Variants in GRID2 observed in about 807,000 individuals in gnomAD.
GRID2 encodes the protein glutamate ionotropic receptor delta type subunit 2, also known as glutamate receptor ionotropic, delta-2.
In GRID2, 33 loss-of-function variants were observed where a neutral mutation model predicts 114.8. The observed-to-expected ratio is 0.29, with a 90% CI of 0.22 to 0.38. GRID2 has a LOEUF of 0.38. Among genes scored for constraint, GRID2 ranks in the 10% least tolerant of loss-of-function variants. The pLI is 1.00. For missense variants in GRID2, 1,184 were observed against 1,257.7 expected, an observed-to-expected ratio of 0.94 and a Z score of 0.89; for synonymous variants, 505 against 449.9, an observed-to-expected ratio of 1.12 and a Z score of -1.55.
chr4:93,004,658 A>G (rs1247576223), intron 2 of GRID2, among the ~76,000 whole-genome samples: 1 of 151,972 alleles, frequency 6.6e-6, no homozygotes, highest in Non-Finnish European at 1.5e-5. Context: ...AATGAGTGTC[A>G]CATCTTCCAC....
intron 13 of GRID2, among the ~76,000 whole-genome samples, chr4:93,566,612 A>G (rs537940984): frequency 6.6e-6 from 1 of 152,198 alleles, no homozygotes; most frequent in African/African-American, 2.4e-5. Flanking sequence ...TCTACTAAAA[A>G]TTCAAAAATT....
intron 14 of GRID2, among the ~76,000 whole-genome samples, chr4:93,665,285 A>G (rs1219955626): frequency 1.3e-5 from 2 of 152,142 alleles, no homozygotes; most frequent in Non-Finnish European, 2.9e-5. Flanking sequence ...TGCAATTTAT[A>G]TAGTCCCTCA....
chr4:93,793,223 T>G (rs954508572), intron 1 of GRID2, among the ~76,000 whole-genome samples: 2 of 152,194 alleles, frequency 1.3e-5, no homozygotes. Flanking sequence ...TTATTTTTGG[T>G]GTTTCGATGG....
At chr4:92,893,177 GTA>G (rs1485447703) in intron 2 of GRID2, among the ~76,000 whole-genome samples, 3 of 151,936 alleles carry the variant, frequency 2.0e-5, no homozygotes, top group Non-Finnish European at 2.9e-5. Context: ...TTTTTTCTGA[GTA>G]TAGTGCCTAC....
At chr4:93,391,754 A>C (rs572142560) in intron 8 of GRID2, among the ~76,000 whole-genome samples, 3 of 152,196 alleles carry the variant, frequency 2.0e-5, no homozygotes, top group African/African-American at 7.2e-5. Flanking sequence ...TTGAGGAAGA[A>C]AGAGTAAATA....
At chr4:92,958,931 C>A (rs1752606604) in intron 2 of GRID2, among the ~76,000 whole-genome samples, 1 of 151,870 alleles carries the variant, frequency 6.6e-6, no homozygotes, top group African/African-American at 2.4e-5. Flanking sequence ...TCTGTTTCAA[C>A]TAGGTTATCA....
intron 1 of GRID2, among the ~76,000 whole-genome samples, chr4:92,434,122 G>A (rs1281022040): frequency 1.3e-5 from 2 of 152,178 alleles, no homozygotes; most frequent in African/African-American, 2.4e-5. Flanking sequence ...AGTAATATCA[G>A]AGTAGAAATT....
intron 8 of GRID2, among the ~76,000 whole-genome samples, chr4:93,252,432 T>A (rs972775936): frequency 2.6e-5 from 4 of 151,724 alleles, no homozygotes; most frequent in Admixed American, 2.0e-4. Context: ...TCTATGTATC[T>A]GTTCTTGTAC....
chr4:93,351,265 T>C (rs1005082111), intron 8 of GRID2, among the ~76,000 whole-genome samples: 1 of 152,118 alleles, frequency 6.6e-6, no homozygotes, highest in East Asian at 1.9e-4. Context: ...AGTTATTTAG[T>C]TGGTAGAGAG....
intron 2 of GRID2, among the ~76,000 whole-genome samples, chr4:92,630,091 A>G (rs1408558675): frequency 6.6e-6 from 1 of 152,034 alleles, no homozygotes; most frequent in African/African-American, 2.4e-5. Flanking sequence ...TCTGCACTCA[A>G]TATTGTCTAT....
Position 93,772,232 on chromosome 4 carries a change from A to C in GRID2, c.2758A>C (p.Ser920Arg). The C allele has an allele frequency of 6.2e-7, 1 of 1,614,146 alleles. No homozygotes were observed. The highest frequency in any genetic ancestry group is 8.5e-7 in the Non-Finnish European group (1 of 1,179,994). The change falls in exon 16 of 16, where the codon AGT becomes CGT. Residue 920 changes from serine (S) to arginine (R), a missense_variant. Physicochemically the swap from Ser to Arg is moderately radical, Grantham distance 110. Coordinates refer to ENST00000282020, the MANE Select transcript of GRID2 (RefSeq NM_001510.4). ...AACACGACAAGCACTGGAGCAAATC[A>C]GTGATTTCAGGAACACTCATATTAC... ...LPTRQALEQI[S>R]DFRNTHITTT...
At chr4:92,918,328 T>G (rs973838350) in intron 2 of GRID2, among the ~76,000 whole-genome samples, 1 of 152,164 alleles carries the variant, frequency 6.6e-6, no homozygotes, top group Non-Finnish European at 1.5e-5. Flanking sequence ...CTTTTCCTAA[T>G]TGAATGCCCT....
intron 1 of GRID2, among the ~76,000 whole-genome samples, chr4:93,795,350 A>G (rs924181128): frequency 2.0e-5 from 3 of 151,894 alleles, no homozygotes; most frequent in Admixed American, 2.0e-4. Context: ...TGTGTATTAT[A>G]TATATGTTAT....
chr4:92,745,118 A>G (rs1273270238), intron 2 of GRID2, among the ~76,000 whole-genome samples: 1 of 152,220 alleles, frequency 6.6e-6, no homozygotes, highest in Non-Finnish European at 1.5e-5. Context: ...GAAACATAAC[A>G]TGAGTGGAAA....
At chr4:92,883,065 T>A (rs1014707602) in intron 2 of GRID2, among the ~76,000 whole-genome samples, 1 of 152,242 alleles carries the variant, frequency 6.6e-6, no homozygotes, top group Non-Finnish European at 1.5e-5. Context: ...TGATAGCATT[T>A]AACCACAGTT....
intron 2 of GRID2, among the ~76,000 whole-genome samples, chr4:92,904,510 C>T (rs1347933272): frequency 6.6e-6 from 1 of 151,762 alleles, no homozygotes; most frequent in African/African-American, 2.4e-5. Flanking sequence ...AGTACATAAG[C>T]ATTTAGCAGC....
At chr4:92,604,869 A>T (rs1022347590) in intron 2 of GRID2, among the ~76,000 whole-genome samples, 1 of 152,002 alleles carries the variant, frequency 6.6e-6, no homozygotes, top group Non-Finnish European at 1.5e-5. Context: ...TTGAATTTTA[A>T]TCTTCATAAG....
intron 8 of GRID2, among the ~76,000 whole-genome samples, chr4:93,246,527 C>G (rs534112943): frequency 6.2e-4 from 93 of 149,332 alleles, no homozygotes; most frequent in Non-Finnish European, 1.0e-3. Context: ...GCAGAGCTTG[C>G]AGTGAGCCGA....
chr4:92,955,884 C>T (rs910955913), intron 2 of GRID2, among the ~76,000 whole-genome samples: 37 of 152,194 alleles, frequency 2.4e-4, no homozygotes, highest in African/African-American at 7.0e-4. Context: ...ATCCTTTCCC[C>T]ATTGCTTGTT....
Sources: allele counts gnomAD v4.1 joint callset (sites outside exome capture counted in the v4.1 genomes callset), GRCh38; gene constraint gnomAD v4.1.1; transcripts MANE v1.5; gene names NCBI Gene and HGNC (gene_info 2026-07-23, HGNC 2026-07-21).